Variants in SEMA5A observed in about 807,000 individuals in gnomAD.
SEMA5A encodes the protein semaphorin-5A.
In SEMA5A, 55 loss-of-function variants were observed where a neutral mutation model predicts 135.5. The observed-to-expected ratio is 0.41, with a 90% CI of 0.33 to 0.51. The LOEUF (loss-of-function observed/expected upper bound fraction) is 0.51. Ranked by LOEUF, SEMA5A falls within the 20% of genes least tolerant of loss-of-function variation. The pLI is 0.37. For missense variants in SEMA5A, 1,290 were observed against 1,419.9 expected, an observed-to-expected ratio of 0.91 and a Z score of 1.47; for synonymous variants, 580 against 546.5, an observed-to-expected ratio of 1.06 and a Z score of -0.85.
intron 2 of SEMA5A, among the ~76,000 whole-genome samples, chr5:9,419,314 G>A (rs142220800): frequency 6.6e-6 from 1 of 152,268 alleles, no homozygotes; most frequent in Non-Finnish European, 1.5e-5. Flanking sequence ...AAGACAGTCT[G>A]TGTGCAGATG....
intron 1 of SEMA5A, among the ~76,000 whole-genome samples, chr5:9,452,322 GA>G (rs1758674792): frequency 6.6e-6 from 1 of 152,200 alleles, no homozygotes; most frequent in South Asian, 2.1e-4. Flanking sequence ...ACATGGCTGT[GA>G]AGCAGTGGTT....
intron 5 of SEMA5A, among the ~76,000 whole-genome samples, chr5:9,315,944 T>C (rs1409986130): frequency 1.3e-5 from 2 of 152,196 alleles, no homozygotes. Flanking sequence ...CTCTGACCCA[T>C]AAATTAGCAT....
At chr5:9,431,612 T>C (rs2126657207) in intron 2 of SEMA5A, among the ~76,000 whole-genome samples, 1 of 152,236 alleles carries the variant, frequency 6.6e-6, no homozygotes, top group East Asian at 1.9e-4. Flanking sequence ...TCTCCAATAC[T>C]CTGATCTGGA....
chr5:9,259,207 A>G (rs1214516900), intron 5 of SEMA5A, among the ~76,000 whole-genome samples: 1 of 152,238 alleles, frequency 6.6e-6, no homozygotes, highest in Non-Finnish European at 1.5e-5. Context: ...CTACAATGGA[A>G]GAGAGAAATG....
chr5:9,207,962 A>C (rs751018973), intron 8 of SEMA5A, among the ~76,000 whole-genome samples: 1 of 152,158 alleles, frequency 6.6e-6, no homozygotes, highest in Non-Finnish European at 1.5e-5. Context: ...GTCTGTGTAT[A>C]TGTGTGTATC....
At chr5:9,390,028 T>G (rs1021586513) in intron 2 of SEMA5A, among the ~76,000 whole-genome samples, 1 of 152,242 alleles carries the variant, frequency 6.6e-6, no homozygotes, top group African/African-American at 2.4e-5. Flanking sequence ...CTACCTTACC[T>G]CTGTACCTCT....
intron 1 of SEMA5A, among the ~76,000 whole-genome samples, chr5:9,538,257 T>TCC (rs1737882474): frequency 2.1e-5 from 1 of 47,216 alleles, no homozygotes; most frequent in South Asian, 7.5e-4. Context: ...TCTTTGATTC[T>TCC]TCTCTAAGAG....
chr5:9,300,177 CCCA>C (rs1751546029), intron 5 of SEMA5A, among the ~76,000 whole-genome samples: 1 of 152,000 alleles, frequency 6.6e-6, no homozygotes, highest in Non-Finnish European at 1.5e-5. Flanking sequence ...ACAGGCACAC[CCCA>C]CCACACCTGA....
In SEMA5A at chr5:9,048,589, G is replaced by A. The variant is rs959396310; in HGVS notation, c.2893+1821C>T. Among the ~76,000 whole-genome samples the A allele has an allele frequency of 4.6e-5, 7 of 152,234 alleles. No individual in the cohort carries two copies. In the South Asian group the frequency reaches 1.5e-3, roughly 32 times the overall value. On this transcript the variant is annotated intron_variant, in intron 21 of 22. Coordinates refer to ENST00000382496, the MANE Select transcript of SEMA5A (RefSeq NM_003966.3). The stretch of plus-strand genomic sequence containing the variant: ...GAACAACCCCAGGCCCTGTGCAGGT[G>A]TCACGTAATATAGAGTAAAGGCCCC...
intron 1 of SEMA5A, among the ~76,000 whole-genome samples, chr5:9,539,963 A>C (rs1737986636): frequency 1.3e-5 from 2 of 152,240 alleles, no homozygotes; most frequent in Non-Finnish European, 1.5e-5. Flanking sequence ...CTAAAAAATC[A>C]GTTTGGAGGC....
chr5:9,136,741 T>A, intron 12 of SEMA5A, 120 bp from the exon 13 acceptor site: 1 of 780,312 alleles, frequency 1.3e-6, no homozygotes, highest in South Asian at 1.5e-5. Context: ...TGAAGCCCAA[T>A]GGGTATTTAG....
At chr5:9,341,665 TAA>T (rs1753660426) in intron 3 of SEMA5A, among the ~76,000 whole-genome samples, 6 of 77,740 alleles carry the variant, frequency 7.7e-5, no homozygotes, top group East Asian at 4.9e-4. Flanking sequence ...ATAATATATA[TAA>T]TATATATTAT....
At chr5:9,484,367 T>G (rs1392964476) in intron 1 of SEMA5A, among the ~76,000 whole-genome samples, 1 of 152,170 alleles carries the variant, frequency 6.6e-6, no homozygotes, top group African/African-American at 2.4e-5. Context: ...CATGATCTCT[T>G]TATTTTAACA....
Position 9,038,790 on chromosome 5 carries a change from G to GTGATCTCA in SEMA5A, c.*4099_*4106dup, listed in dbSNP as rs1254262161. On this transcript the variant is annotated 3_prime_UTR_variant, in exon 23 of 23. Transcript: ENST00000382496. ...GTCACCCAGGATGGAGTGCAGTGAT[G>GTGATCTCA]TGATCTCAGCTCACTGCAACCTCAA... The GTGATCTCA allele has an allele frequency of 6.8e-6, 1 of 147,280 alleles. No individual in the cohort carries two copies. The highest frequency in any genetic ancestry group is 1.5e-5 in the Non-Finnish European group (1 of 67,410). 9.1% of individuals were successfully genotyped at this position (147,280 alleles called of 1,614,324 possible).
At chr5:9,388,469 GAA>G (rs397996757) in intron 2 of SEMA5A, among the ~76,000 whole-genome samples, 8 of 110,492 alleles carry the variant, frequency 7.2e-5, no homozygotes, top group African/African-American at 6.8e-5. Flanking sequence ...TCCTTTCTAA[GAA>G]AAAAAAAAAA....
chr5:9,437,852 A>C lies in SEMA5A; in HGVS notation c.-174T>G, dbSNP rs1474358470. The C allele has an allele frequency of 6.6e-6, 1 of 152,398 alleles. No homozygotes were observed. Among genetic ancestry groups the C allele is most frequent in the Admixed American group, 6.5e-5 (1 of 15,272 alleles). 9.4% of individuals were successfully genotyped at this position (152,398 alleles called of 1,614,324 possible). A position where few individuals can be genotyped will look rare whatever the true frequency, so the allele number is the denominator to read the frequency against. ...TCCAGCCCAAGTCTCACACACCAAC[A>C]CTTCAAAAAAGAAAATAGAGAGATC... is the stretch of plus-strand genomic sequence containing the variant. On this transcript the variant is annotated splice_region_variant and 5_prime_UTR_variant, in exon 2 of 23. Coordinates refer to ENST00000382496, the MANE Select transcript of SEMA5A (RefSeq NM_003966.3).
intron 16 of SEMA5A, among the ~76,000 whole-genome samples, chr5:9,076,987 A>G (rs2388001): frequency 0.1 from 15,260 of 151,484 alleles, 919 homozygotes; most frequent in African/African-American, 0.15. Context: ...GTGCTTTTTC[A>G]TGCTGGCACA....
At chr5:9,356,050 C>T (rs1032883797) in intron 3 of SEMA5A, among the ~76,000 whole-genome samples, 2 of 152,138 alleles carry the variant, frequency 1.3e-5, no homozygotes, top group Non-Finnish European at 2.9e-5. Context: ...CAATTGGATT[C>T]TGTTTCTACT....
chr5:9,143,393 C>T (rs1742168419), intron 12 of SEMA5A, among the ~76,000 whole-genome samples: 1 of 152,032 alleles, frequency 6.6e-6, no homozygotes, highest in Admixed American at 6.5e-5. Flanking sequence ...ATTAAAACTA[C>T]TCGGCTTAAC....
Sources: gnomAD v4.1 joint callset for allele counts (sites outside exome capture counted in the v4.1 genomes callset) on GRCh38, gnomAD v4.1.1 for gene constraint, MANE v1.5 for transcripts, NCBI Gene and HGNC (gene_info 2026-07-23, HGNC 2026-07-21) for gene names.